The following MYH11 variants were observed in gnomAD, a reference collection of about 807,000 sequenced individuals.
The protein encoded by MYH11 is myosin heavy chain 11.
In MYH11, 80 loss-of-function variants were observed where a neutral mutation model predicts 246.6. The observed-to-expected ratio is 0.32, with a 90% CI of 0.27 to 0.39. MYH11 has a LOEUF of 0.39. MYH11 is among the 10% of genes least tolerant of loss of function. The pLI, the probability that MYH11 is intolerant of heterozygous loss-of-function variation, is 1.00. For missense variants in MYH11, 2,158 were observed against 2,546.8 expected, an observed-to-expected ratio of 0.85 and a Z score of 3.29; for synonymous variants, 1,071 against 1,015.5, an observed-to-expected ratio of 1.05 and a Z score of -1.04.
At position 15,715,197 on chromosome 16, in the gene MYH11, G is replaced by A. The variant is rs750821241; in HGVS notation, c.5580C>T (p.Asp1860=). The A allele has an allele frequency of 1.7e-5, 27 of 1,613,956 alleles. No individual in the cohort carries two copies. Among genetic ancestry groups the A allele is most frequent in the East Asian group, 4.5e-5 (2 of 44,884 alleles). The change falls in exon 39 of 41, where the codon GAC becomes GAT. Residue 1860 remains aspartate (D), a synonymous_variant. Coordinates refer to ENST00000300036, the MANE Select transcript of MYH11 (RefSeq NM_002474.3). The part of the protein sequence containing the change: ...KLKEILLQVE[D]ERKMAEQYKE... ...TGTACTGCTCGGCCATCTTGCGCTC[G>A]TCCTCCACCTGCAGCAAGATTTCCT...
At chr16:15,792,485 C>G (rs2042633491) in intron 4 of MYH11, 1 of 152,168 alleles carries the variant, frequency 6.6e-6, no homozygotes. Context: ...TTAGCAAACT[C>G]TTTTTGTAAA....
chr16:15,756,944 G>A (rs1212279874), intron 13 of MYH11, among the ~76,000 whole-genome samples: 2 of 151,422 alleles, frequency 1.3e-5, no homozygotes, highest in Admixed American at 6.6e-5. Context: ...GACTACAGGC[G>A]CCTGCCACGG....
At chr16:15,839,506 A>G (rs2043995054) in intron 1 of MYH11, among the ~76,000 whole-genome samples, 1 of 151,772 alleles carries the variant, frequency 6.6e-6, no homozygotes, top group African/African-American at 2.4e-5. Context: ...CAGCCTGGGC[A>G]ACATGGTGAG....
intron 4 of MYH11, among the ~76,000 whole-genome samples, chr16:15,793,143 C>T (rs912169442): frequency 6.6e-6 from 1 of 152,192 alleles, no homozygotes; most frequent in African/African-American, 2.4e-5. Context: ...ACTTTAGCCC[C>T]CTGATCACAC....
In MYH11 at chr16:15,838,025, G is replaced by A. The variant is rs1596936743; in HGVS notation, c.228C>T (p.Ile76=). 3 of 1,614,040 alleles carry A rather than the reference G, an allele frequency of 1.9e-6. No homozygotes were observed. The East Asian group carries it at 6.7e-5, about 36-fold the overall frequency. Residue 76 remains isoleucine, a synonymous_variant, in exon 2 of 41, where the codon ATC becomes ATT. Coordinates refer to ENST00000300036, the MANE Select transcript of MYH11 (RefSeq NM_002474.3). ...GKKVTVGKDD[I]QKMNPPKFSK... is the part of the protein sequence containing the mutation. ...AGAACTTGGGTGGGTTCATCTTCTG[G>A]ATGTCATCTTTCCCAACCGTGACCT... is the stretch of plus-strand genomic sequence containing the variant.
chr16:15,727,102 G>A (rs1209513043), intron 27 of MYH11, 48 bp from the exon 28 acceptor site: 1 of 1,585,662 alleles, frequency 6.3e-7, no homozygotes, highest in Non-Finnish European at 8.6e-7. Flanking sequence ...CTGTGGCCGG[G>A]AGAACGTTTC....
At chr16:15,839,336 T>C (rs2043989619) in intron 1 of MYH11, among the ~76,000 whole-genome samples, 1 of 152,202 alleles carries the variant, frequency 6.6e-6, no homozygotes, top group Non-Finnish European at 1.5e-5. Flanking sequence ...CCACACGCTC[T>C]ATTACTCCTT....
chr16:15,719,414 G>C, intron 35 of MYH11, 106 bp from the exon 36 acceptor site: 1 of 1,467,554 alleles, frequency 6.8e-7, no homozygotes, highest in Non-Finnish European at 9.4e-7. Flanking sequence ...TTCTTCCTCT[G>C]AGCTCAGGGG....
intron 13 of MYH11, among the ~76,000 whole-genome samples, chr16:15,756,835 T>A (rs1290872928): frequency 7.0e-6 from 1 of 143,428 alleles, no homozygotes; most frequent in African/African-American, 2.6e-5. Context: ...TTTTGCCTTG[T>A]CGCCCAGGCA....
In MYH11 at chr16:15,715,279, A is replaced by C. The variant is rs1435830832; in HGVS notation, c.5505-7T>G. 1 of 1,613,762 alleles carries C rather than the reference A, an allele frequency of 6.2e-7. No homozygotes were observed. The highest frequency in any genetic ancestry group is 1.7e-5 in the Admixed American group (1 of 59,986). On this transcript the variant is annotated splice_polypyrimidine_tract_variant and splice_region_variant and intron_variant, in intron 38 of 40. Coordinates refer to ENST00000300036, the MANE Select transcript of MYH11 (RefSeq NM_002474.3). ...GGTGGCCGCCTGTTTCTCTCTGCAA[A>C]CAGCAAGGAAAACAGGTGGTTTCAG... is the stretch of plus-strand genomic sequence containing the variant.
rs370858630 is a variant in MYH11 at position 15,708,816 on chromosome 16, G to A, written c.5787-4693C>T. The A allele has an allele frequency of 6.2e-6, 10 of 1,608,934 alleles. No individual in the cohort carries two copies. The highest frequency in any genetic ancestry group is 1.1e-5 in the South Asian group (1 of 89,522). ...AAGGCATGATACCTGGTGCATCACTGCGAAGTTTCCTGTGGGGGGGGCCCT... is the reference window on the plus strand; with the variant it reads ...AAGGCATGATACCTGGTGCATCACTACGAAGTTTCCTGTGGGGGGGGCCCT... On this transcript the variant is annotated intron_variant, in intron 40 of 40. Coordinates refer to ENST00000300036, the MANE Select transcript of MYH11 (RefSeq NM_002474.3).
intron 24 of MYH11, 69 bp downstream of exon 24, chr16:15,738,496 G>A: frequency 2.1e-6 from 3 of 1,462,720 alleles, no homozygotes; most frequent in Non-Finnish European, 2.8e-6. Context: ...CTGGGCAACA[G>A]AGCAAGACCT....
intron 36 of MYH11, 45 bp downstream of exon 36, chr16:15,719,175 C>T (rs2040332321): frequency 1.3e-6 from 2 of 1,560,352 alleles, no homozygotes; most frequent in Admixed American, 1.7e-5. Flanking sequence ...TGCCTGTCCC[C>T]CCATCCTCTG....
chr16:15,760,189 G>T (rs142024469), intron 11 of MYH11, among the ~76,000 whole-genome samples: 248 of 152,014 alleles, frequency 1.6e-3, no homozygotes, highest in African/African-American at 5.6e-3. Flanking sequence ...TGGATGGGTG[G>T]ATGCATGGAC....
At chr16:15,719,185 G>A (rs1321963861) in intron 36 of MYH11, 35 bp downstream of exon 36, 6 of 1,598,948 alleles carry the variant, frequency 3.8e-6, no homozygotes, top group Non-Finnish European at 5.1e-6. Flanking sequence ...CCCATCCTCT[G>A]CTTCAGAGCC....
intron 37 of MYH11, 157 bp from the exon 38 acceptor site, chr16:15,717,505 T>C: frequency 1.4e-6 from 1 of 735,500 alleles, no homozygotes; most frequent in Non-Finnish European, 2.2e-6. Context: ...ACTCAAGAGC[T>C]TCTTCCAGGC....
intron 40 of MYH11, among the ~76,000 whole-genome samples, chr16:15,706,837 C>T (rs1024566094): frequency 2.0e-5 from 3 of 152,186 alleles, no homozygotes; most frequent in Admixed American, 6.5e-5. Context: ...GATAAATTTG[C>T]TCCCTTGACC....
chr16:15,798,775 A>T (rs971912959), intron 3 of MYH11, 88 bp from the exon 4 acceptor site: 3 of 1,347,854 alleles, frequency 2.2e-6, no homozygotes, highest in Non-Finnish European at 3.2e-6. Flanking sequence ...GGGCCCTCCC[A>T]TTCTAAAGCT....
At chr16:15,845,007 C>G (rs1285867267) in intron 1 of MYH11, among the ~76,000 whole-genome samples, 1 of 152,194 alleles carries the variant, frequency 6.6e-6, no homozygotes, top group African/African-American at 2.4e-5. Context: ...AACCTGTAGT[C>G]ATGTAAAGAC....
Sources: gnomAD v4.1 joint callset for allele counts (sites outside exome capture counted in the v4.1 genomes callset) on GRCh38, gnomAD v4.1.1 for gene constraint, MANE v1.5 for transcripts, NCBI Gene and HGNC (gene_info 2026-07-23, HGNC 2026-07-21) for gene names.